The following UTP20 variants were observed in gnomAD, a reference collection of about 807,000 sequenced individuals.
UTP20 encodes small subunit processome component 20 homolog.
UTP20 carries 164 observed loss-of-function variants against 329.5 expected under a neutral mutation model. That is an observed-to-expected ratio of 0.50 (90% CI 0.44 to 0.57). The LOEUF (loss-of-function observed/expected upper bound fraction) is 0.57, where lower values mean the gene tolerates loss of function less well. Among genes scored for constraint, UTP20 ranks in the 20% least tolerant of loss-of-function variants. The probability of loss-of-function intolerance (pLI) is 0.00; values close to 1 mark genes in which losing one functional copy is unlikely to be tolerated. For synonymous variants in UTP20, 1,151 were observed against 1,159.3 expected (o/e 0.99, Z 0.14); for missense variants, 3,055 against 3,284.2 (o/e 0.93, Z 1.71).
intron 11 of UTP20, 130 bp downstream of exon 11, chr12:101,293,375 A>G: frequency 3.9e-6 from 3 of 762,550 alleles, no homozygotes; most frequent in East Asian, 2.7e-5. Flanking sequence ...GTTTTAGTCA[A>G]TATGTTTTTT....
At chr12:101,308,067 T>C in intron 17 of UTP20, 118 bp from the exon 18 acceptor site, 1 of 875,144 alleles carries the variant, frequency 1.1e-6, no homozygotes, top group South Asian at 3.8e-5. Flanking sequence ...ACTTATTTCA[T>C]TAAAAATATT....
chr12:101,305,608 ATAT>A (rs35602051), intron 15 of UTP20, among the ~76,000 whole-genome samples: 1 of 133,482 alleles, frequency 7.5e-6, no homozygotes, highest in Non-Finnish European at 1.5e-5. Context: ...TAAATAATAA[ATAT>A]TATATATATA....
intron 21 of UTP20, among the ~76,000 whole-genome samples, chr12:101,313,342 T>C (rs1418174055): frequency 2.0e-5 from 3 of 152,036 alleles, no homozygotes; most frequent in Non-Finnish European, 1.5e-5. Context: ...TGGTTGGAGA[T>C]GAGGGCAGAA....
intron 12 of UTP20, among the ~76,000 whole-genome samples, chr12:101,297,670 C>T (rs1241801604): frequency 2.0e-5 from 3 of 152,162 alleles, no homozygotes; most frequent in Non-Finnish European, 4.4e-5. Context: ...TCCTTTGAAA[C>T]TTTTCCCTTG....
rs747409099 is a variant in UTP20, at chr12:101,291,837, T to C, written c.987T>C (p.Leu329=). 2 of 1,613,854 alleles carry C rather than the reference T, an allele frequency of 1.2e-6. No individual in the cohort carries two copies. Among genetic ancestry groups the C allele is most frequent in the Admixed American group, 1.7e-5 (1 of 59,972 alleles). ...IKRLLETYLI[L]VKHGSGTKIP... ...GGTTGTTGGAAACATACCTTATACT[T>C]GTAAAACATGGAAGTGGGACAAAGA... Residue 329 remains leucine (L), a synonymous_variant, in exon 9 of 62, where the codon CTT becomes CTC. Coordinates refer to ENST00000261637, the MANE Select transcript of UTP20 (RefSeq NM_014503.3).
intron 48 of UTP20, among the ~76,000 whole-genome samples, chr12:101,369,122 C>T (rs1870195789): frequency 6.6e-6 from 1 of 152,170 alleles, no homozygotes; most frequent in African/African-American, 2.4e-5. Flanking sequence ...TGCATAAATG[C>T]AGAGATGGTA....
chr12:101,293,482 A>T (rs1190532464), intron 11 of UTP20, among the ~76,000 whole-genome samples: 1 of 152,214 alleles, frequency 6.6e-6, no homozygotes, highest in Non-Finnish European at 1.5e-5. Flanking sequence ...AGTTTAAGAA[A>T]CTTTTATGTG....
At chr12:101,284,846 A>G (rs115603263) in intron 2 of UTP20, among the ~76,000 whole-genome samples, 345 of 152,262 alleles carry the variant, frequency 2.3e-3, no homozygotes, top group African/African-American at 7.6e-3. Flanking sequence ...TCATGTTCGT[A>G]TGTACAAACA....
chr12:101,291,523 A>G, intron 8 of UTP20: 1 of 300,880 alleles, frequency 3.3e-6, no homozygotes, highest in Non-Finnish European at 5.8e-6. Flanking sequence ...CTGGGCAATA[A>G]GAGTGAAACT....
intron 11 of UTP20, among the ~76,000 whole-genome samples, chr12:101,295,185 G>T (rs577748164): frequency 9.2e-5 from 14 of 152,126 alleles, no homozygotes; most frequent in Non-Finnish European, 1.6e-4. Flanking sequence ...ATTTCCTGGG[G>T]GTAGGGAGGG....
chr12:101,355,549 G>C (rs1317042127), intron 41 of UTP20, among the ~76,000 whole-genome samples: 1 of 152,122 alleles, frequency 6.6e-6, no homozygotes, highest in Non-Finnish European at 1.5e-5. Context: ...AACACGGGTT[G>C]GCCAACTATG....
At chr12:101,375,320 C>T (rs1418296174) in intron 55 of UTP20, among the ~76,000 whole-genome samples, 1 of 151,864 alleles carries the variant, frequency 6.6e-6, no homozygotes, top group African/African-American at 2.4e-5. Context: ...ATATGAAGAT[C>T]AAAGGTTCTC....
chr12:101,289,386 CACACAT>C (rs1872065457), intron 6 of UTP20, among the ~76,000 whole-genome samples: 2 of 150,622 alleles, frequency 1.3e-5, no homozygotes, highest in African/African-American at 5.0e-5. Flanking sequence ...CACACACACA[CACACAT>C]ACACACACAC....
At chr12:101,350,886 A>G (rs1869495537) in intron 38 of UTP20, among the ~76,000 whole-genome samples, 1 of 152,036 alleles carries the variant, frequency 6.6e-6, no homozygotes, top group South Asian at 2.1e-4. Flanking sequence ...TCCTCTGTGC[A>G]GCTCTCCTCT....
intron 43 of UTP20, 40 bp from the exon 44 acceptor site, chr12:101,361,922 A>C: frequency 6.8e-7 from 1 of 1,469,896 alleles, no homozygotes; most frequent in Non-Finnish European, 9.5e-7. Flanking sequence ...CTAGTGTGAC[A>C]TTGTTAATAT....
chr12:101,356,954 A>AG lies in UTP20; in HGVS notation c.5563_5564insG (p.Lys1855ArgfsTer61). 1.2e-6 allele frequency: 2 copies of AG among 1,613,480 alleles called. No homozygotes were observed. The highest frequency in any genetic ancestry group is 1.7e-6 in the Non-Finnish European group (2 of 1,179,904). ...TTTGCTGAAAGTGTGTGCCCTACTC[A>AG]AGAACAGAGCCCAAGAAATCAGAGA... On this transcript the variant is annotated frameshift_variant, in exon 43 of 62. Coordinates refer to ENST00000261637, the MANE Select transcript of UTP20 (RefSeq NM_014503.3). LOFTEE classifies it high-confidence loss of function.
chr12:101,383,424 C>T, intron 59 of UTP20, 111 bp downstream of exon 59: 2 of 1,488,198 alleles, frequency 1.3e-6, no homozygotes, highest in Non-Finnish European at 1.8e-6. Flanking sequence ...GAACCCCAAA[C>T]TGCAGCAATA....
chr12:101,333,292 G>C lies in UTP20; in HGVS notation c.3418-9G>C. The C allele has an allele frequency of 6.2e-7, 1 of 1,611,520 alleles. No homozygotes were observed. The highest frequency in any genetic ancestry group is 8.5e-7 in the Non-Finnish European group (1 of 1,179,076). The stretch of plus-strand genomic sequence containing the variant: ...TGTATTTTTTGAACAGAAGATCTTT[G>C]TTTTACAGATACAGCTGAGATTTAT... On this transcript the variant is annotated splice_polypyrimidine_tract_variant and intron_variant, in intron 27 of 61. Transcript: ENST00000261637.
At chr12:101,291,220 C>T (rs1434718954) in intron 8 of UTP20, 7 of 191,852 alleles carry the variant, frequency 3.6e-5, no homozygotes, top group Non-Finnish European at 6.3e-5. Flanking sequence ...ATATTCTCTC[C>T]CTCAGGGTTG....
Sources: gnomAD v4.1 joint callset for allele counts (sites outside exome capture counted in the v4.1 genomes callset) on GRCh38, gnomAD v4.1.1 for gene constraint, MANE v1.5 for transcripts, NCBI Gene and HGNC (gene_info 2026-07-23, HGNC 2026-07-21) for gene names.